Variants in SEPTIN7 observed in about 807,000 individuals in gnomAD.
The protein encoded by SEPTIN7 is septin 7, also known as septin-7.
Under a neutral mutation model 63.3 loss-of-function variants are expected in SEPTIN7, and 10 were observed. The observed-to-expected ratio is 0.16, with a 90% CI of 0.10 to 0.27. The LOEUF is 0.27. Ranked by LOEUF, SEPTIN7 falls within the 10% of genes least tolerant of loss-of-function variation. The pLI is 1.00. For synonymous variants in SEPTIN7, 131 were observed against 165.3 expected (o/e 0.79, Z 1.59); for missense variants, 310 against 521.0 (o/e 0.59, Z 3.94).
At chr7:35,895,968 G>A (rs1371433538) in intron 11 of SEPTIN7, among the ~76,000 whole-genome samples, 4 of 152,062 alleles carry the variant, frequency 2.6e-5, no homozygotes, top group Non-Finnish European at 4.4e-5. Flanking sequence ...GTGCCACCAC[G>A]CCCGGCTAAT....
At chr7:35,854,156 G>T (rs931273027) in intron 3 of SEPTIN7, among the ~76,000 whole-genome samples, 1 of 152,042 alleles carries the variant, frequency 6.6e-6, no homozygotes, top group Non-Finnish European at 1.5e-5. Context: ...ATTTGAAAAA[G>T]CCCCAAATCC....
the SEPTIN7 span, among the ~76,000 whole-genome samples, chr7:35,913,485 CCCTT>C: frequency 8.4e-3 from 1,250 of 149,230 alleles, 8 homozygotes; most frequent in Non-Finnish European, 0.012. Flanking sequence ...CCCCTTCCTT[CCCTT>C]CCTTCCTTCC....
chr7:35,877,262 G>A (rs1786528208), intron 6 of SEPTIN7, among the ~76,000 whole-genome samples: 1 of 152,028 alleles, frequency 6.6e-6, no homozygotes, highest in African/African-American at 2.4e-5. Flanking sequence ...AATTTTCAGG[G>A]GATTTAAGAC....
intron 3 of SEPTIN7, among the ~76,000 whole-genome samples, chr7:35,859,133 G>T (rs1785369417): frequency 6.6e-6 from 1 of 151,812 alleles, no homozygotes; most frequent in African/African-American, 2.4e-5. Flanking sequence ...TTATATAAGT[G>T]TTTACAACTA....
At chr7:35,806,338 A>G (rs1171455035) in intron 1 of SEPTIN7, among the ~76,000 whole-genome samples, 1 of 152,232 alleles carries the variant, frequency 6.6e-6, no homozygotes, top group Non-Finnish European at 1.5e-5. Flanking sequence ...TTTGCAAAGC[A>G]TGATCAGTAA....
At chr7:35,864,516 T>C (rs964451903) in intron 4 of SEPTIN7, among the ~76,000 whole-genome samples, 5 of 152,156 alleles carry the variant, frequency 3.3e-5, no homozygotes, top group Admixed American at 6.5e-5. Context: ...TCTGCAAATA[T>C]AAAATATACC....
At chr7:35,832,612 A>G (rs1783887570) in intron 2 of SEPTIN7, 186 bp from the exon 3 acceptor site, 4 of 525,336 alleles carry the variant, frequency 7.6e-6, no homozygotes, top group Non-Finnish European at 1.4e-5. Context: ...ATTGTCAGTC[A>G]ACTCATGCTC....
At chr7:35,821,929 C>G (rs1203485647) in intron 1 of SEPTIN7, among the ~76,000 whole-genome samples, 1 of 152,112 alleles carries the variant, frequency 6.6e-6, no homozygotes, top group African/African-American at 2.4e-5. Flanking sequence ...CAGGTGCATG[C>G]CTGGCTAATT....
In SEPTIN7 at chr7:35,905,018, A is replaced by G. The variant is rs1310519281; in HGVS notation, c.*725A>G. On this transcript the variant is annotated 3_prime_UTR_variant, in exon 14 of 14. Coordinates refer to ENST00000350320, the MANE Select transcript of SEPTIN7 (RefSeq NM_001788.6). ...GCTAAAATAGAATATAGCATCTTTC[A>G]TATGGTAGGAACCAACAAGGAAACT... 1 of 152,640 alleles carries G rather than the reference A, an allele frequency of 6.6e-6. No homozygotes were observed. The highest frequency in any genetic ancestry group is 2.4e-5 in the African/African-American group (1 of 41,458). 9.5% of individuals were successfully genotyped at this position (152,640 alleles called of 1,614,324 possible). A position where few individuals can be genotyped will look rare whatever the true frequency, so the allele number is the denominator to read the frequency against.
At position 35,863,484 on chromosome 7, in the gene SEPTIN7, A is replaced by G. The variant is rs1052356609; in HGVS notation, c.170-68A>G. ...TGCATAAGGCAAGTTTGATTATAGC[A>G]TCTGTTGAATATTTAAGATTGCGTA... On this transcript the variant is annotated intron_variant, in intron 3 of 13. Transcript: ENST00000350320. 1.3e-5 allele frequency: 11 copies of G among 875,858 alleles called. No individual in the cohort carries two copies. In the Admixed American group the frequency reaches 2.3e-4, roughly 18 times the overall value. 54.3% of individuals were successfully genotyped at this position (875,858 alleles called of 1,614,324 possible). A position where few individuals can be genotyped will look rare whatever the true frequency, so the allele number is the denominator to read the frequency against.
chr7:35,858,487 C>G (rs1399036190), intron 3 of SEPTIN7, among the ~76,000 whole-genome samples: 2 of 151,928 alleles, frequency 1.3e-5, no homozygotes, highest in African/African-American at 2.4e-5. Context: ...TCCTGAGTAG[C>G]TGGGATTACA....
At chr7:35,826,271 A>G (rs553520221) in intron 1 of SEPTIN7, among the ~76,000 whole-genome samples, 8 of 151,992 alleles carry the variant, frequency 5.3e-5, no homozygotes, top group African/African-American at 1.9e-4. Flanking sequence ...TTGAGAAGTA[A>G]ACTTCTGCAT....
At chr7:35,875,627 C>T (rs1233390380) in intron 6 of SEPTIN7, among the ~76,000 whole-genome samples, 1 of 152,078 alleles carries the variant, frequency 6.6e-6, no homozygotes, top group Non-Finnish European at 1.5e-5. Flanking sequence ...TTGCATTGTT[C>T]AGTATTTTGT....
At chr7:35,864,377 G>A (rs1056958090) in intron 4 of SEPTIN7, among the ~76,000 whole-genome samples, 1 of 152,090 alleles carries the variant, frequency 6.6e-6, no homozygotes, top group African/African-American at 2.4e-5. Flanking sequence ...GATGCTGCTG[G>A]ATGGTAGATC....
intron 3 of SEPTIN7, among the ~76,000 whole-genome samples, chr7:35,851,233 T>C (rs1180719909): frequency 6.6e-6 from 1 of 152,178 alleles, no homozygotes; most frequent in African/African-American, 2.4e-5. Context: ...GTTGTATTAC[T>C]GACTCTAGTT....
chr7:35,813,401 CTG>C (rs1210815863), intron 1 of SEPTIN7, among the ~76,000 whole-genome samples: 1 of 151,550 alleles, frequency 6.6e-6, no homozygotes, highest in African/African-American at 2.4e-5. Context: ...GTCACCCAGA[CTG>C]GAGTGCAGTG....
intron 4 of SEPTIN7, among the ~76,000 whole-genome samples, chr7:35,870,338 G>T (rs182933178): frequency 1.3e-5 from 2 of 152,178 alleles, no homozygotes; most frequent in African/African-American, 4.8e-5. Context: ...AAGTTAAAAT[G>T]TGTAATTGGT....
chr7:35,895,061 TTGTC>T lies in SEPTIN7; in HGVS notation c.999-3184_999-3181del, dbSNP rs1176767046. On this transcript the variant is annotated intron_variant, in intron 11 of 13. Transcript: ENST00000350320. ...GTTTTACTAGGCTTTCTTCATTTCTTTGTCTGGGTTTTTAATTTCACTGATAGGT... is the reference window on the plus strand; with the variant it reads ...GTTTTACTAGGCTTTCTTCATTTCTTTGGGTTTTTAATTTCACTGATAGGT... Among the ~76,000 whole-genome samples, 28 of 152,300 alleles carry T rather than the reference TTGTC, an allele frequency of 1.8e-4. No homozygotes were observed. The South Asian group carries it at 4.3e-3, about 24-fold the overall frequency.
intron 1 of SEPTIN7, among the ~76,000 whole-genome samples, chr7:35,826,219 A>G (rs1402017911): frequency 6.6e-6 from 1 of 151,966 alleles, no homozygotes; most frequent in African/African-American, 2.4e-5. Flanking sequence ...CCAGACACAT[A>G]TCTGTGTATG....
Sources: gnomAD v4.1 joint callset for allele counts (sites outside exome capture counted in the v4.1 genomes callset) on GRCh38, gnomAD v4.1.1 for gene constraint, MANE v1.5 for transcripts, NCBI Gene and HGNC (gene_info 2026-07-23, HGNC 2026-07-21) for gene names.